The following ARPC4 variants were observed in gnomAD, a reference collection of about 807,000 sequenced individuals.
ARPC4 encodes actin related protein 2/3 complex subunit 4, also known as actin-related protein 2/3 complex subunit 4.
ARPC4 carries 3 observed loss-of-function variants against 22.8 expected under a neutral mutation model. The ratio of observed to expected loss-of-function variants is 0.13; its 90% confidence interval spans 0.06 to 0.34. The LOEUF (loss-of-function observed/expected upper bound fraction) is 0.34. Among genes scored for constraint, ARPC4 ranks in the 10% least tolerant of loss-of-function variants. The probability of loss-of-function intolerance (pLI) is 1.00; values close to 1 mark genes in which losing one functional copy is unlikely to be tolerated. For synonymous variants in ARPC4, 80 were observed against 72.5 expected (o/e 1.10, Z -0.52); for missense variants, 98 against 211.0 (o/e 0.46, Z 3.32).
At position 9,806,303 on chromosome 3, in the gene ARPC4, C is replaced by A; in HGVS notation, c.*88C>A. 1 of 1,490,794 alleles carries A rather than the reference C, an allele frequency of 6.7e-7. No homozygotes were observed. Among genetic ancestry groups the A allele is most frequent in the Non-Finnish European group, 9.4e-7 (1 of 1,067,734 alleles). The allele number at this position is 1,490,794 out of a possible 1,614,324, so 92.3% of individuals were successfully genotyped here. ...TGGAGTCACTCCCCGAGCAGCGCGG[C>A]GGCGGCAGGGAGTTGGGTTGGGGTG... On this transcript the variant is annotated 3_prime_UTR_variant, in exon 6 of 6. Coordinates refer to ENST00000397261, the MANE Select transcript of ARPC4 (RefSeq NM_005718.5).
intron 1 of ARPC4, among the ~76,000 whole-genome samples, chr3:9,795,956 C>T (rs2078874254): frequency 6.6e-6 from 1 of 152,096 alleles, no homozygotes; most frequent in South Asian, 2.1e-4. Flanking sequence ...ATTAACCAGG[C>T]ACGGTGGTGC....
chr3:9,803,831 CT>C lies in ARPC4; in HGVS notation c.331-10del. On this transcript the variant is annotated splice_polypyrimidine_tract_variant and intron_variant, in intron 4 of 5. Coordinates refer to ENST00000397261, the MANE Select transcript of ARPC4 (RefSeq NM_005718.5). ...TCCTTCTCTTCCCCCTCCCTACTGT[CT>C]TCTTCCCTAGGGGTATGATATCAGC... 1 of 1,612,036 alleles carries C rather than the reference CT, an allele frequency of 6.2e-7. No individual in the cohort carries two copies. The highest frequency in any genetic ancestry group is 8.5e-7 in the Non-Finnish European group (1 of 1,178,308).
chr3:9,800,058 A>G (rs2078975592), intron 2 of ARPC4, 127 bp from the exon 3 acceptor site: 1 of 890,078 alleles, frequency 1.1e-6, no homozygotes, highest in East Asian at 2.7e-5. Flanking sequence ...ATCTTGGAGC[A>G]CTCCTGCTTG....
chr3:9,797,646 T>C lies in ARPC4; in HGVS notation c.4-13T>C. 6.2e-7 allele frequency: 1 copy of C among 1,611,140 alleles called. No individual in the cohort carries two copies. The highest frequency in any genetic ancestry group is 8.5e-7 in the Non-Finnish European group (1 of 1,178,030). On this transcript the variant is annotated splice_polypyrimidine_tract_variant and intron_variant, in intron 1 of 5. Coordinates refer to ENST00000397261, the MANE Select transcript of ARPC4 (RefSeq NM_005718.5). ...ATTTTGATCTTCCCTTTCCTCTGTG[T>C]TATTTCCTATAGACTGCCACTCTCC...
At chr3:9,799,897 G>A (rs752683336) in intron 2 of ARPC4, 25 of 550,516 alleles carry the variant, frequency 4.5e-5, no homozygotes, top group Non-Finnish European at 8.7e-5. Flanking sequence ...AGTGAATTAG[G>A]AATCAGAGTC....
At chr3:9,803,756 G>C in intron 4 of ARPC4, 87 bp from the exon 5 acceptor site, 1 of 1,381,998 alleles carries the variant, frequency 7.2e-7, no homozygotes, top group Non-Finnish European at 1.0e-6. Context: ...ATGTGGATGA[G>C]TGGAGGACAT....
upstream of ARPC4, chr3:9,792,761 G>T (rs1424795228): frequency 8.0e-7 from 1 of 1,245,178 alleles, no homozygotes; most frequent in Non-Finnish European, 1.0e-6. Context: ...CGAAGGGCTC[G>T]TCCGCTTCGG....
chr3:9,792,536 GGA>G, upstream of ARPC4: 4 of 1,225,864 alleles, frequency 3.3e-6, no homozygotes, highest in Non-Finnish European at 4.1e-6. Context: ...CGAGCCTACT[GGA>G]GTTTGCCGGG....
chr3:9,800,135 ACTATT>A (rs1346948612), intron 2 of ARPC4, 45 bp from the exon 3 acceptor site: 1 of 1,596,660 alleles, frequency 6.3e-7, no homozygotes, highest in Admixed American at 1.7e-5. Flanking sequence ...GGTCACTCTG[ACTATT>A]CTATCCCTCT....
chr3:9,801,585 C>T, intron 3 of ARPC4, 76 bp from the exon 4 acceptor site: 1 of 1,441,130 alleles, frequency 6.9e-7, no homozygotes, highest in Non-Finnish European at 9.4e-7. Flanking sequence ...AAACTGGAGT[C>T]AGAAGACCAG....
At position 9,797,639 on chromosome 3, in the gene ARPC4, C is replaced by T. The variant is rs2078924494; in HGVS notation, c.4-20C>T. The T allele has an allele frequency of 1.2e-6, 2 of 1,607,326 alleles. No homozygotes were observed. Among genetic ancestry groups the T allele is most frequent in the Non-Finnish European group, 8.5e-7 (1 of 1,175,168 alleles). On this transcript the variant is annotated intron_variant, in intron 1 of 5. Transcript: ENST00000397261. ...GTGACAGATTTTGATCTTCCCTTTC[C>T]TCTGTGTTATTTCCTATAGACTGCC...
intron 1 of ARPC4, among the ~76,000 whole-genome samples, chr3:9,793,669 T>C (rs1241676286): frequency 1.3e-5 from 2 of 152,226 alleles, no homozygotes; most frequent in African/African-American, 4.8e-5. Flanking sequence ...AACTGAACTG[T>C]GTCAGCCTTA....
At chr3:9,797,951 G>A (rs374399106) in intron 2 of ARPC4, 174 bp downstream of exon 2, 3 of 681,092 alleles carry the variant, frequency 4.4e-6, no homozygotes, top group African/African-American at 3.6e-5. Context: ...AATAGGGTCA[G>A]TGGGTTGGCA....
intron 3 of ARPC4, among the ~76,000 whole-genome samples, chr3:9,801,212 G>GAA (rs745696982): frequency 0.35 from 22,997 of 66,318 alleles, 6,546 homozygotes; most frequent in Non-Finnish European, 0.44. Context: ...TTCCATCTCA[G>GAA]AAAAAAAAAA....
At chr3:9,799,966 G>A in intron 2 of ARPC4, 1 of 653,574 alleles carries the variant, frequency 1.5e-6, no homozygotes, top group Admixed American at 2.1e-5. Flanking sequence ...GAAAGTAACA[G>A]AGGAGGCTGG....
rs1559729240 is a variant in ARPC4, at chr3:9,802,233, G to GCCTCCCGGGTTCACGCCAT, written c.330+477_330+478insCCTCCCGGGTTCACGCCAT. On this transcript the variant is annotated intron_variant, in intron 4 of 5. Coordinates refer to ENST00000397261, the MANE Select transcript of ARPC4 (RefSeq NM_005718.5). ...AGCCTGGGCGACAGAGCAAGACTCCGTCTCAAAAAAAAAAAAAAAAAAAAA... is the reference window on the plus strand; with the variant it reads ...AGCCTGGGCGACAGAGCAAGACTCCGCCTCCCGGGTTCACGCCATTCTCAAAAAAAAAAAAAAAAAAAAA... 1.4e-4 allele frequency among the ~76,000 whole-genome samples: 8 copies of GCCTCCCGGGTTCACGCCAT among 58,228 alleles called. No individual in the cohort carries two copies. In the East Asian group the frequency reaches 2.6e-3, roughly 19 times the overall value. 38.2% of individuals were successfully genotyped at this position (58,228 alleles called of 152,430 possible). A position where few individuals can be genotyped will look rare whatever the true frequency, so the allele number is the denominator to read the frequency against.
At chr3:9,797,583 G>A in intron 1 of ARPC4, 76 bp from the exon 2 acceptor site, 1 of 1,524,398 alleles carries the variant, frequency 6.6e-7, no homozygotes, top group Middle Eastern at 1.7e-4. Context: ...TGGCTTCATG[G>A]GAGCTGGAAT....
rs1258083241 is a variant in ARPC4 at position 9,806,537 on chromosome 3, T to TA, written c.*325dup. Reference sequence around the variant, plus strand: ...TTGTCTTTTTTTTTTTTTTTTTTTTTAAACCTCCACCTCCAGTGGCTGTGA... The same window carrying TA: ...TTGTCTTTTTTTTTTTTTTTTTTTTTAAAACCTCCACCTCCAGTGGCTGTGA... On this transcript the variant is annotated 3_prime_UTR_variant, in exon 6 of 6. Coordinates refer to ENST00000397261, the MANE Select transcript of ARPC4 (RefSeq NM_005718.5). 1.3e-5 allele frequency: 4 copies of TA among 315,590 alleles called. No homozygotes were observed. The highest frequency in any genetic ancestry group is 2.8e-5 in the African/African-American group (1 of 36,024). The allele number at this position is 315,590 out of a possible 1,614,324, so 19.5% of individuals were successfully genotyped here.
chr3:9,795,551 T>C (rs1019075690), intron 1 of ARPC4, among the ~76,000 whole-genome samples: 4 of 152,194 alleles, frequency 2.6e-5, no homozygotes, highest in African/African-American at 9.6e-5. Context: ...CGCTGCAGCC[T>C]CATTTAGTGA....
Sources: gnomAD v4.1 joint callset for allele counts (sites outside exome capture counted in the v4.1 genomes callset) on GRCh38, gnomAD v4.1.1 for gene constraint, MANE v1.5 for transcripts, NCBI Gene and HGNC (gene_info 2026-07-23, HGNC 2026-07-21) for gene names.